The following SPAG1 variants were observed in gnomAD, a reference collection of about 807,000 sequenced individuals.
The protein encoded by SPAG1 is sperm-associated antigen 1.
SPAG1 carries 69 observed loss-of-function variants against 100.5 expected under a neutral mutation model. The observed-to-expected ratio is 0.69, with a 90% CI of 0.57 to 0.84. The LOEUF is 0.84. SPAG1 is among the 40% of genes least tolerant of loss of function. SPAG1 has a pLI of 0.00. For synonymous variants in SPAG1, 336 were observed against 411.6 expected (o/e 0.82, Z 2.22); for missense variants, 955 against 1,133.1 (o/e 0.84, Z 2.26).
chr8:100,187,401 T>C (rs1816631265), intron 8 of SPAG1, 151 bp downstream of exon 8: 1 of 523,908 alleles, frequency 1.9e-6, no homozygotes, highest in Non-Finnish European at 3.0e-6. Flanking sequence ...TGCTTTTAAA[T>C]TGAACTTGTA....
intron 15 of SPAG1, among the ~76,000 whole-genome samples, chr8:100,233,000 G>A (rs112121803): frequency 0.019 from 2,876 of 152,256 alleles, 39 homozygotes; most frequent in Non-Finnish European, 0.03. Flanking sequence ...TCTCAACCCA[G>A]TGCATTTGCA....
intron 1 of SPAG1, among the ~76,000 whole-genome samples, 166 bp from the exon 2 acceptor site, chr8:100,162,113 G>T (rs1260620835): frequency 6.6e-6 from 1 of 152,176 alleles, no homozygotes; most frequent in African/African-American, 2.4e-5. Context: ...AGGATTGCTT[G>T]AGGCCAGAAG....
Position 100,162,331 on chromosome 8 carries a change from A to T in SPAG1, c.51A>T (p.Thr17=). ...TGTGGGGCTTTGGAACAACAAAAACATTCAAAATTCCCATTGAACATCTAG... is the reference window on the plus strand; with the variant it reads ...TGTGGGGCTTTGGAACAACAAAAACTTTCAAAATTCCCATTGAACATCTAG... ...PSLWGFGTTK[T]FKIPIEHLDF... Residue 17 remains threonine, a synonymous_variant, in exon 2 of 19, where the codon ACA becomes ACT. Transcript: ENST00000388798. The T allele has an allele frequency of 6.2e-7, 1 of 1,605,212 alleles. No individual in the cohort carries two copies.
intron 4 of SPAG1, among the ~76,000 whole-genome samples, chr8:100,178,605 A>G (rs1298500807): frequency 2.6e-5 from 4 of 152,120 alleles, no homozygotes; most frequent in Non-Finnish European, 5.9e-5. Flanking sequence ...TTTTCATTCT[A>G]GGTTAACTCA....
intron 10 of SPAG1, among the ~76,000 whole-genome samples, chr8:100,196,929 T>G (rs1185326109): frequency 6.6e-6 from 1 of 151,974 alleles, no homozygotes; most frequent in Non-Finnish European, 1.5e-5. Flanking sequence ...TCTTTTTCTT[T>G]TCTTCTTTTT....
intron 10 of SPAG1, among the ~76,000 whole-genome samples, chr8:100,195,096 C>G (rs771691407): frequency 6.8e-6 from 1 of 147,460 alleles, no homozygotes; most frequent in Non-Finnish European, 1.5e-5. Context: ...ACCCGGGAGG[C>G]GGAGGTTGTG....
chr8:100,216,717 G>A (rs1420369243), intron 12 of SPAG1, among the ~76,000 whole-genome samples: 1 of 152,182 alleles, frequency 6.6e-6, no homozygotes, highest in Non-Finnish European at 1.5e-5. Flanking sequence ...TGGAGATGAG[G>A]CCCAGCAGGG....
rs1586494673 is a variant in SPAG1, at chr8:100,213,009, C to T, written c.1097-81C>T. On this transcript the variant is annotated intron_variant, in intron 10 of 18. Coordinates refer to ENST00000388798, the MANE Select transcript of SPAG1 (RefSeq NM_003114.5). ...CCTAGAGCCCGCCCTCCGCGTCCTG[C>T]ACCCCCGCGGCCTCCGCGGCCTCCG... 11 of 455,282 alleles carry T rather than the reference C, an allele frequency of 2.4e-5. No homozygotes were observed. In the East Asian group the frequency reaches 9.2e-4, roughly 38 times the overall value. 28.2% of individuals were successfully genotyped at this position (455,282 alleles called of 1,614,324 possible). A position where few individuals can be genotyped will look rare whatever the true frequency, so the allele number is the denominator to read the frequency against.
chr8:100,204,071 T>C (rs1030155137), intron 10 of SPAG1, among the ~76,000 whole-genome samples: 1 of 152,200 alleles, frequency 6.6e-6, no homozygotes, highest in Non-Finnish European at 1.5e-5. Context: ...TACCCAGTAG[T>C]GGCAACATCC....
chr8:100,190,899 G>A (rs953937567), intron 8 of SPAG1, among the ~76,000 whole-genome samples: 1 of 151,746 alleles, frequency 6.6e-6, no homozygotes, highest in Non-Finnish European at 1.5e-5. Context: ...TGAACTCCTG[G>A]CCTCAAGTGA....
intron 13 of SPAG1, 60 bp downstream of exon 13, chr8:100,220,491 C>T (rs1818220843): frequency 1.4e-6 from 2 of 1,393,390 alleles, no homozygotes; most frequent in Non-Finnish European, 2.0e-6. Context: ...TTCCCTTCCC[C>T]TCCTTCAAGA....
chr8:100,170,284 A>C (rs1815757010), intron 3 of SPAG1, among the ~76,000 whole-genome samples: 1 of 152,216 alleles, frequency 6.6e-6, no homozygotes, highest in South Asian at 2.1e-4. Context: ...TAAGCATTAT[A>C]TGTAGCTCAT....
chr8:100,215,820 G>T (rs551763416), intron 12 of SPAG1, among the ~76,000 whole-genome samples: 1 of 152,214 alleles, frequency 6.6e-6, no homozygotes, highest in Admixed American at 6.5e-5. Flanking sequence ...CACCGCGCCC[G>T]GCCCAGTTTA....
intron 14 of SPAG1, among the ~76,000 whole-genome samples, chr8:100,230,601 A>G (rs371135023): frequency 7.9e-5 from 12 of 152,302 alleles, no homozygotes; most frequent in Non-Finnish European, 1.5e-4. Flanking sequence ...AAGATGGATA[A>G]CATGACAGAA....
intron 3 of SPAG1, among the ~76,000 whole-genome samples, chr8:100,172,416 C>T (rs201031752): frequency 6.6e-6 from 1 of 151,946 alleles, no homozygotes; most frequent in Non-Finnish European, 1.5e-5. Flanking sequence ...GTCAGGAGTT[C>T]GAGACCACCC....
At chr8:100,205,481 C>T (rs572865116) in intron 10 of SPAG1, among the ~76,000 whole-genome samples, 16 of 152,138 alleles carry the variant, frequency 1.1e-4, no homozygotes, top group East Asian at 3.9e-4. Flanking sequence ...AGTGGGTCCC[C>T]GGACTCATCC....
intron 13 of SPAG1, among the ~76,000 whole-genome samples, chr8:100,223,017 T>C (rs1400194422): frequency 6.6e-6 from 1 of 152,244 alleles, no homozygotes; most frequent in Admixed American, 6.5e-5. Context: ...TGGAATCATA[T>C]ATGGCCTTTT....
chr8:100,168,177 C>T (rs1439416826), intron 3 of SPAG1, among the ~76,000 whole-genome samples: 1 of 152,158 alleles, frequency 6.6e-6, no homozygotes, highest in Non-Finnish European at 1.5e-5. Context: ...ATCCTGACAG[C>T]AATATATAAA....
At chr8:100,205,804 C>G (rs1817481124) in intron 10 of SPAG1, among the ~76,000 whole-genome samples, 1 of 151,784 alleles carries the variant, frequency 6.6e-6, no homozygotes, top group Non-Finnish European at 1.5e-5. Flanking sequence ...ATCACGAGGT[C>G]AAGAGATCGA....
Sources: allele counts gnomAD v4.1 joint callset (sites outside exome capture counted in the v4.1 genomes callset), GRCh38; gene constraint gnomAD v4.1.1; transcripts MANE v1.5; gene names NCBI Gene and HGNC (gene_info 2026-07-23, HGNC 2026-07-21).